Variants in BBX observed in about 807,000 individuals in gnomAD.
BBX encodes BBX high mobility group box domain containing.
In BBX, 30 loss-of-function variants were observed where a neutral mutation model predicts 100.2. The observed-to-expected ratio is 0.30, with a 90% CI of 0.22 to 0.41. BBX has a LOEUF of 0.41. Ranked by LOEUF, BBX falls within the 10% of genes least tolerant of loss-of-function variation. The probability of loss-of-function intolerance (pLI) is 1.00; values close to 1 mark genes in which losing one functional copy is unlikely to be tolerated. For synonymous variants in BBX, 376 were observed against 388.1 expected (o/e 0.97, Z 0.37); for missense variants, 1,023 against 1,129.8 (o/e 0.91, Z 1.35).
chr3:107,689,645 A>G (rs891208807), intron 3 of BBX, among the ~76,000 whole-genome samples: 1 of 152,148 alleles, frequency 6.6e-6, no homozygotes, highest in Admixed American at 6.5e-5. Flanking sequence ...CTCCCTCCTC[A>G]GTGTATTTAG....
intron 3 of BBX, among the ~76,000 whole-genome samples, chr3:107,697,583 A>T (rs1057503700): frequency 6.6e-6 from 1 of 151,896 alleles, no homozygotes; most frequent in African/African-American, 2.4e-5. Context: ...TGCTGGGAGA[A>T]CCGCTGCTCT....
At chr3:107,696,211 T>C (rs2060585463) in intron 3 of BBX, among the ~76,000 whole-genome samples, 1 of 151,852 alleles carries the variant, frequency 6.6e-6, no homozygotes, top group African/African-American at 2.4e-5. Flanking sequence ...AAGTTAATAT[T>C]GTTATGTGTG....
intron 2 of BBX, among the ~76,000 whole-genome samples, chr3:107,612,023 A>C: frequency 6.6e-6 from 1 of 151,524 alleles, no homozygotes; most frequent in African/African-American, 2.4e-5. Flanking sequence ...TGCATTCTTT[A>C]GTTGGTGAGT....
chr3:107,634,145 C>G (rs2056718328), intron 2 of BBX, among the ~76,000 whole-genome samples: 1 of 152,172 alleles, frequency 6.6e-6, no homozygotes, highest in East Asian at 1.9e-4. Context: ...TGATACCTTT[C>G]AGTTATATAA....
chr3:107,698,651 CAA>C (rs56964193), intron 3 of BBX, among the ~76,000 whole-genome samples: 34 of 130,734 alleles, frequency 2.6e-4, no homozygotes, highest in East Asian at 6.3e-4. Flanking sequence ...GACTCCATCT[CAA>C]AAAAAAAAAA....
chr3:107,753,399 C>T (rs2065225624), intron 9 of BBX, among the ~76,000 whole-genome samples: 1 of 151,612 alleles, frequency 6.6e-6, no homozygotes, highest in African/African-American at 2.4e-5. Context: ...TTGAACCTCC[C>T]CCCACACATG....
intron 3 of BBX, among the ~76,000 whole-genome samples, chr3:107,676,914 A>G (rs1430277602): frequency 6.6e-6 from 1 of 152,142 alleles, no homozygotes; most frequent in Non-Finnish European, 1.5e-5. Context: ...ACTAGATGGC[A>G]TCTTGTAATT....
At chr3:107,793,365 A>C (rs2069254607) in intron 15 of BBX, among the ~76,000 whole-genome samples, 3 of 152,198 alleles carry the variant, frequency 2.0e-5, no homozygotes, top group Admixed American at 1.3e-4. Flanking sequence ...GAGAATATGC[A>C]CTGAAAAATG....
chr3:107,601,254 G>C (rs1180715492), intron 2 of BBX, among the ~76,000 whole-genome samples: 4 of 152,084 alleles, frequency 2.6e-5, no homozygotes, highest in African/African-American at 4.8e-5. Flanking sequence ...TTGAAATTAG[G>C]CCAATTAATT....
intron 10 of BBX, among the ~76,000 whole-genome samples, chr3:107,770,902 G>C (rs1325575178): frequency 6.6e-6 from 1 of 152,082 alleles, no homozygotes; most frequent in East Asian, 1.9e-4. Flanking sequence ...AAAAGCATCT[G>C]GTATTTAATT....
chr3:107,756,638 G>C (rs1015704961), intron 10 of BBX, among the ~76,000 whole-genome samples: 5 of 151,850 alleles, frequency 3.3e-5, no homozygotes, highest in Non-Finnish European at 7.4e-5. Context: ...AGATTACCAA[G>C]TCCAAATTAG....
intron 2 of BBX, among the ~76,000 whole-genome samples, chr3:107,542,678 A>G (rs631205): frequency 0.12 from 17,659 of 152,154 alleles, 1,140 homozygotes; most frequent in African/African-American, 0.14. Flanking sequence ...CTCCACTTTG[A>G]ATGAGGTACT....
intron 3 of BBX, among the ~76,000 whole-genome samples, chr3:107,693,295 A>T (rs1366139811): frequency 6.6e-6 from 1 of 151,776 alleles, no homozygotes; most frequent in South Asian, 2.1e-4. Flanking sequence ...CTGAATGGTA[A>T]TGCCTAGGTT....
intron 1 of BBX, chr3:107,523,396 T>A (rs1264510077): frequency 2.1e-5 from 3 of 141,506 alleles, no homozygotes; most frequent in African/African-American, 5.2e-5. Flanking sequence ...CCGCGCCGGC[T>A]GGGGCCGGGG....
chr3:107,660,671 T>C (rs1177328745), intron 3 of BBX, among the ~76,000 whole-genome samples: 1 of 152,188 alleles, frequency 6.6e-6, no homozygotes, highest in East Asian at 1.9e-4. Context: ...TTTCTTTGTG[T>C]TCTTATTGTC....
At chr3:107,742,910 A>G (rs1261233723) in intron 7 of BBX, among the ~76,000 whole-genome samples, 1 of 152,200 alleles carries the variant, frequency 6.6e-6, no homozygotes, top group Non-Finnish European at 1.5e-5. Flanking sequence ...TAATCTATAA[A>G]TGACACTTAA....
intron 3 of BBX, among the ~76,000 whole-genome samples, chr3:107,678,652 A>T (rs2059408376): frequency 6.6e-6 from 1 of 152,114 alleles, no homozygotes; most frequent in Admixed American, 6.6e-5. Context: ...TGAGCCCAGA[A>T]GGTCAAGCTA....
intron 5 of BBX, among the ~76,000 whole-genome samples, chr3:107,725,346 A>G (rs542457735): frequency 2.6e-5 from 4 of 152,288 alleles, no homozygotes; most frequent in Non-Finnish European, 5.9e-5. Flanking sequence ...CAATCATGTC[A>G]TCTGCAAATA....
chr3:107,524,802 TGG>T (rs63676262), intron 1 of BBX, among the ~76,000 whole-genome samples: 1,039 of 21,188 alleles, frequency 0.049, 34 homozygotes, highest in African/African-American at 0.13. Context: ...GGGGTGGAGG[TGG>T]GGGGGGGGGC....
Sources: gnomAD v4.1 joint callset for allele counts (sites outside exome capture counted in the v4.1 genomes callset) on GRCh38, gnomAD v4.1.1 for gene constraint, MANE v1.5 for transcripts, NCBI Gene and HGNC (gene_info 2026-07-23, HGNC 2026-07-21) for gene names.